SLC8A1: variants seen among roughly 807,000 people sequenced by gnomAD.
SLC8A1 encodes sodium/calcium exchanger 1.
SLC8A1 carries 18 observed loss-of-function variants against 68.3 expected under a neutral mutation model. That is an observed-to-expected ratio of 0.26 (90% CI 0.18 to 0.39). The LOEUF is 0.39. Ranked by LOEUF, SLC8A1 falls within the 10% of genes least tolerant of loss-of-function variation. SLC8A1 has a pLI of 1.00. For missense variants in SLC8A1, 985 were observed against 1,156.7 expected, an observed-to-expected ratio of 0.85 and a Z score of 2.15; for synonymous variants, 475 against 415.5, an observed-to-expected ratio of 1.14 and a Z score of -1.74.
At chr2:40,150,540 A>T (rs387103) in intron 6 of SLC8A1, among the ~76,000 whole-genome samples, 2 of 152,080 alleles carry the variant, frequency 1.3e-5, no homozygotes, top group African/African-American at 4.8e-5. Context: ...GCAGCAGCCC[A>T]TGCCAACAAA....
intron 6 of SLC8A1, among the ~76,000 whole-genome samples, chr2:40,151,564 G>T (rs1448466729): frequency 6.6e-6 from 1 of 151,896 alleles, no homozygotes; most frequent in African/African-American, 2.4e-5. Context: ...CCTATTAATA[G>T]AGCATAAGAT....
At chr2:40,440,227 G>A (rs745550655) in intron 1 of SLC8A1, among the ~76,000 whole-genome samples, 18 of 152,026 alleles carry the variant, frequency 1.2e-4, no homozygotes, top group South Asian at 2.1e-4. Flanking sequence ...TGGTTTTAAC[G>A]TTAGTAACTA....
chr2:40,105,120 TAAAAG>T (rs1006343175), exon 8 of SLC8A1: 1 of 152,040 alleles, frequency 6.6e-6, no homozygotes, highest in African/African-American at 2.4e-5. Flanking sequence ...AATTAGAAAA[TAAAAG>T]GCAGAGTCTA....
chr2:40,194,506 TGCGCGCGC>T (rs1431017488), intron 2 of SLC8A1, among the ~76,000 whole-genome samples: 1 of 131,824 alleles, frequency 7.6e-6, no homozygotes, highest in African/African-American at 2.7e-5. Flanking sequence ...TGTGTGTGTG[TGCGCGCGC>T]AAAGAAAACG....
At chr2:40,202,915 T>A (rs148559771) in intron 2 of SLC8A1, among the ~76,000 whole-genome samples, 11 of 152,082 alleles carry the variant, frequency 7.2e-5, no homozygotes, top group African/African-American at 2.4e-4. Context: ...CCAAATAGAA[T>A]GGCACCTACA....
At chr2:40,383,295 C>A (rs1486996261) in intron 2 of SLC8A1, among the ~76,000 whole-genome samples, 4 of 152,000 alleles carry the variant, frequency 2.6e-5, no homozygotes, top group Non-Finnish European at 5.9e-5. Flanking sequence ...CATACCGGAA[C>A]AAATTTGATA....
intron 2 of SLC8A1, among the ~76,000 whole-genome samples, chr2:40,386,697 A>G (rs940127940): frequency 1.3e-5 from 2 of 150,774 alleles, no homozygotes; most frequent in African/African-American, 4.9e-5. Context: ...AGGAAAAGTC[A>G]GTAAGTCCAT....
chr2:40,148,949 C>G (rs944183636), intron 6 of SLC8A1, among the ~76,000 whole-genome samples: 2 of 152,126 alleles, frequency 1.3e-5, no homozygotes, highest in Non-Finnish European at 2.9e-5. Context: ...GCTTTCTTGT[C>G]TCTCATAAAT....
intron 2 of SLC8A1, among the ~76,000 whole-genome samples, chr2:40,244,644 A>G (rs775991142): frequency 9.7e-6 from 1 of 103,338 alleles, no homozygotes; most frequent in Non-Finnish European, 2.3e-5. Flanking sequence ...TAGCCTGTCT[A>G]TGCAATGATC....
At chr2:40,441,751 T>G (rs1700527972) in intron 1 of SLC8A1, among the ~76,000 whole-genome samples, 1 of 152,020 alleles carries the variant, frequency 6.6e-6, no homozygotes, top group Non-Finnish European at 1.5e-5. Context: ...CCCTACACCT[T>G]ATACAAAAAT....
chr2:40,481,997 CAG>C lies in SLC8A1; in HGVS notation c.-25+30350_-25+30351del, dbSNP rs766346094. Among the ~76,000 whole-genome samples, 7 of 152,254 alleles carry C rather than the reference CAG, an allele frequency of 4.6e-5. No homozygotes were observed. The South Asian group carries it at 1.5e-3, about 32-fold the overall frequency. Reference sequence around the variant, plus strand: ...AATCATTTGAGAGGCTTGATAAAAACAGAGATTTGTAGAACCTGTCCCAAAAG... The same window carrying C: ...AATCATTTGAGAGGCTTGATAAAAACAGATTTGTAGAACCTGTCCCAAAAG... On this transcript the variant is annotated intron_variant, in intron 1 of 7. Transcript: ENST00000402441.
chr2:40,353,147 T>A (rs1459950877), intron 2 of SLC8A1, among the ~76,000 whole-genome samples: 1 of 152,190 alleles, frequency 6.6e-6, no homozygotes, highest in Non-Finnish European at 1.5e-5. Flanking sequence ...GGTAAATTGT[T>A]TTCAGCACTG....
chr2:40,378,515 G>T (rs1177109680), intron 2 of SLC8A1, among the ~76,000 whole-genome samples: 2 of 152,122 alleles, frequency 1.3e-5, no homozygotes, highest in African/African-American at 4.8e-5. Context: ...TTTACTCTCA[G>T]TGAAGTGCGA....
chr2:40,214,236 A>G (rs1387977492), intron 2 of SLC8A1, among the ~76,000 whole-genome samples: 2 of 152,150 alleles, frequency 1.3e-5, no homozygotes, highest in African/African-American at 4.8e-5. Flanking sequence ...CTCTTCAGCT[A>G]TGAATCAGGT....
intron 2 of SLC8A1, among the ~76,000 whole-genome samples, chr2:40,342,138 G>T (rs971546065): frequency 6.6e-6 from 1 of 152,052 alleles, no homozygotes; most frequent in South Asian, 2.1e-4. Context: ...TTGCCTGGTA[G>T]AGATACAAAT....
chr2:40,151,941 G>C (rs1032422785), intron 6 of SLC8A1, among the ~76,000 whole-genome samples: 1 of 152,186 alleles, frequency 6.6e-6, no homozygotes, highest in African/African-American at 2.4e-5. Flanking sequence ...AAGAGGCTCT[G>C]ATAAGAACTT....
At chr2:40,346,741 T>C (rs1669455350) in intron 2 of SLC8A1, among the ~76,000 whole-genome samples, 1 of 152,086 alleles carries the variant, frequency 6.6e-6, no homozygotes, top group Non-Finnish European at 1.5e-5. Context: ...CTGCATCCTG[T>C]CTAAAGGCAC....
chr2:40,262,090 G>T (rs561605715), intron 2 of SLC8A1, among the ~76,000 whole-genome samples: 1 of 151,884 alleles, frequency 6.6e-6, no homozygotes, highest in African/African-American at 2.4e-5. Flanking sequence ...AGCCTCCTTA[G>T]TAGCTGGGAC....
At chr2:40,098,552 A>G (rs764574282) in exon 8 of SLC8A1, 5 of 152,020 alleles carry the variant, frequency 3.3e-5, no homozygotes, top group Non-Finnish European at 4.4e-5. Context: ...GATGCTTTTC[A>G]TATTAGAGAA....
Sources: allele counts gnomAD v4.1 joint callset (sites outside exome capture counted in the v4.1 genomes callset), GRCh38; gene constraint gnomAD v4.1.1; transcripts MANE v1.5; gene names NCBI Gene and HGNC (gene_info 2026-07-23, HGNC 2026-07-21).